Variants in AZIN2 observed in about 807,000 individuals in gnomAD.
AZIN2 encodes the protein ODC antizyme inhibitor-2.
Under a neutral mutation model 47.8 loss-of-function variants are expected in AZIN2, and 28 were observed. The observed-to-expected ratio is 0.59, with a 90% CI of 0.43 to 0.80. AZIN2 has a LOEUF of 0.80. AZIN2 is among the 30% of genes least tolerant of loss of function. The pLI, the probability that AZIN2 is intolerant of heterozygous loss-of-function variation, is 0.00. For missense variants in AZIN2, 535 were observed against 582.5 expected (o/e 0.92, Z 0.84); for synonymous variants, 221 against 239.4 (o/e 0.92, Z 0.71).
intron 10 of AZIN2, chr1:33,102,033 A>G: frequency 1.6e-6 from 1 of 629,656 alleles, no homozygotes. Context: ...CAAGGAGTGG[A>G]ATGGCTGGGT....
the AZIN2 span, chr1:33,158,175 G>T: frequency 7.4e-7 from 1 of 1,342,496 alleles, no homozygotes; most frequent in Non-Finnish European, 1.1e-6. Flanking sequence ...ACTGCCCCAT[G>T]CTGTGTTTAG....
Position 33,082,350 on chromosome 1 carries a change from C to A in AZIN2, c.101C>A (p.Thr34Asn). ...KELTLGASQA[T>N]TDEVAAFFVA... ...CTCACTCTGGGGGCCTCACAGGCCA[C>A]CACGGTGAGGGGCTGGGAATGGGGG... Residue 34 changes from threonine to asparagine, a missense_variant, in exon 4 of 12, where the codon ACC becomes AAC. Transcript: ENST00000294517. 6.2e-7 allele frequency: 1 copy of A among 1,612,928 alleles called. No individual in the cohort carries two copies. The highest frequency in any genetic ancestry group is 1.3e-5 in the African/African-American group (1 of 75,022).
chr1:33,136,362 GTCTT>G, the AZIN2 span, among the ~76,000 whole-genome samples: 8 of 99,688 alleles, frequency 8.0e-5, no homozygotes, highest in East Asian at 1.3e-3. Flanking sequence ...CTCTCTCTCT[GTCTT>G]TCTTTCTTTC....
intron 10 of AZIN2, among the ~76,000 whole-genome samples, chr1:33,116,190 G>A (rs1644532079): frequency 6.6e-6 from 1 of 152,124 alleles, no homozygotes; most frequent in Non-Finnish European, 1.5e-5. Flanking sequence ...ATTAGTAGGT[G>A]CTCAATAAGT....
chr1:33,147,708 C>G, the AZIN2 span: 15 of 1,612,540 alleles, frequency 9.3e-6, no homozygotes, highest in Non-Finnish European at 1.3e-5. This position sits in a 1 kb window ranked among gnomAD's most constrained non-coding sequence, Gnocchi z 8.1. Flanking sequence ...TGCCCGGGTC[C>G]AGGGTTAGGG....
At chr1:33,166,712 A>G in the AZIN2 span, among the ~76,000 whole-genome samples, 1 of 152,138 alleles carries the variant, frequency 6.6e-6, no homozygotes, top group East Asian at 1.9e-4. Context: ...CACGTTTTCT[A>G]CCATGATGAC....
intron 10 of AZIN2, among the ~76,000 whole-genome samples, chr1:33,116,009 A>AT (rs1184248342): frequency 1.3e-5 from 2 of 152,334 alleles, no homozygotes; most frequent in Non-Finnish European, 1.5e-5. Flanking sequence ...CTTGAGGTTA[A>AT]TTTTATTCAT....
In AZIN2 at chr1:33,082,367, G is replaced by A. The variant is rs1029735759; in HGVS notation, c.105+13G>A. On this transcript the variant is annotated intron_variant, in intron 4 of 11. Transcript: ENST00000294517. ...ACAGGCCACCACGGTGAGGGGCTGG[G>A]AATGGGGGTGGGTCCCCGGTCCCCT... The A allele has an allele frequency of 1.9e-6, 3 of 1,607,344 alleles. No homozygotes were observed. The highest frequency in any genetic ancestry group is 1.7e-5 in the Admixed American group (1 of 59,590).
chr1:33,112,819 T>G (rs187709701), intron 10 of AZIN2, among the ~76,000 whole-genome samples: 12 of 152,346 alleles, frequency 7.9e-5, no homozygotes, highest in Admixed American at 2.6e-4. Context: ...ATCACATTAT[T>G]TCTAATGTTT....
chr1:33,094,607 C>T lies in AZIN2; in HGVS notation c.647C>T (p.Ala216Val). ...PQAYAQSIAD[A>V]RLVFEMGTEL... ...GCCTATGCTCAGTCCATCGCAGACG[C>T]CCGGCTCGTGTTTGAAATGGGCACC... The change falls in exon 8 of 12, where the codon GCC becomes GTC. Residue 216 changes from alanine to valine, a missense_variant. Around this residue, in one of 3 missense-constraint regions of AZIN2, gnomAD observed 409 missense variants for 429.0 expected, o/e 0.95. Transcript: ENST00000294517. 1.2e-6 allele frequency: 2 copies of T among 1,614,178 alleles called. No individual in the cohort carries two copies. Among genetic ancestry groups the T allele is most frequent in the Non-Finnish European group, 1.7e-6 (2 of 1,180,034 alleles).
chr1:33,152,573 G>GAAAAAAAAAAAAAAAAAAAA, the AZIN2 span, among the ~76,000 whole-genome samples: 1 of 102,822 alleles, frequency 9.7e-6, no homozygotes, highest in Non-Finnish European at 2.0e-5. Context: ...GTCTCAAAAA[G>GAAAAAAAAAAAAAAAAAAAA]AAAAAAAAAA....
Position 33,093,295 on chromosome 1 carries a change from A to G in AZIN2, c.466A>G (p.Ile156Val). The G allele has an allele frequency of 3.1e-6, 5 of 1,614,044 alleles. No individual in the cohort carries two copies. The highest frequency in any genetic ancestry group is 4.2e-6 in the Non-Finnish European group (5 of 1,179,962). Reference protein sequence around the residue: ...SHPSAKMVLCIATDDSHSLSC... With the variant: ...SHPSAKMVLCVATDDSHSLSC... Reference sequence around the variant, plus strand: ...GTGTCTCATCAGGATGGTTCTGTGCATTGCTACCGATGACTCCCACTCCCT... The same window carrying G: ...GTGTCTCATCAGGATGGTTCTGTGCGTTGCTACCGATGACTCCCACTCCCT... Residue 156 changes from isoleucine to valine, a missense_variant, in exon 7 of 12, where the codon ATT (isoleucine) becomes GTT (valine). By Grantham distance (29) the Ile-to-Val change is conservative. Transcript: ENST00000294517.
the AZIN2 span, among the ~76,000 whole-genome samples, chr1:33,144,223 C>T: frequency 3.3e-5 from 5 of 151,788 alleles, no homozygotes; most frequent in Admixed American, 1.3e-4. Flanking sequence ...CCGCAACCTC[C>T]GCCTCCCGGG....
At chr1:33,083,653 G>C (rs1164205010) in intron 4 of AZIN2, 2 of 445,502 alleles carry the variant, frequency 4.5e-6, no homozygotes, top group African/African-American at 4.0e-5. Context: ...ACACAGGAGT[G>C]GGGAGGGTAT....
chr1:33,149,457 T>TAA, the AZIN2 span, among the ~76,000 whole-genome samples: 65 of 149,684 alleles, frequency 4.3e-4, no homozygotes, highest in East Asian at 4.8e-3. Context: ...CTGGATTCTT[T>TAA]TAAAAAAAAA....
intron 5 of AZIN2, among the ~76,000 whole-genome samples, chr1:33,089,632 A>G (rs1249243624): frequency 6.6e-6 from 1 of 152,194 alleles, no homozygotes; most frequent in Admixed American, 6.5e-5. Context: ...CAGCAAGCCC[A>G]GCTCTGGAGC....
the AZIN2 span, among the ~76,000 whole-genome samples, chr1:33,134,782 T>C: frequency 1.3e-5 from 2 of 152,180 alleles, no homozygotes; most frequent in Non-Finnish European, 2.9e-5. Flanking sequence ...CTCTGAGAAA[T>C]AGGGGAGCGA....
At chr1:33,097,676 G>A (rs1643301653) in intron 9 of AZIN2, among the ~76,000 whole-genome samples, 1 of 152,220 alleles carries the variant, frequency 6.6e-6, no homozygotes, top group Non-Finnish European at 1.5e-5. Context: ...CTGGGGGATT[G>A]TCCCGTCTGA....
At chr1:33,119,718 T>C in intron 11 of AZIN2, 1 of 391,216 alleles carries the variant, frequency 2.6e-6, no homozygotes, top group South Asian at 2.7e-5. Context: ...GGGGAACTGA[T>C]TGATTACATC....
Sources: gnomAD v4.1 joint callset for allele counts (sites outside exome capture counted in the v4.1 genomes callset) on GRCh38, gnomAD v4.1.1 for gene constraint, gnomAD v4.1.1 regional missense constraint, Gnocchi (gnomAD v3.1) non-coding constraint, MANE v1.5 for transcripts, NCBI Gene and HGNC (gene_info 2026-07-23, HGNC 2026-07-21) for gene names.